The following SERINC5 variants were observed in gnomAD, a reference collection of about 807,000 sequenced individuals.
SERINC5 encodes chromosome 5 open reading frame 12.
A neutral mutation model predicts 63.1 loss-of-function variants in SERINC5; 41 were observed. That is an observed-to-expected ratio of 0.65 (90% CI 0.51 to 0.84). The LOEUF (loss-of-function observed/expected upper bound fraction) is 0.84, where lower values mean the gene tolerates loss of function less well. Ranked by LOEUF, SERINC5 falls within the 40% of genes least tolerant of loss-of-function variation. The pLI is 0.00. For missense variants in SERINC5, 523 were observed against 573.0 expected (o/e 0.91, Z 0.89); for synonymous variants, 222 against 215.2 (o/e 1.03, Z -0.28).
chr5:80,167,250 T>C (rs1320590245), intron 6 of SERINC5: 3 of 152,160 alleles, frequency 2.0e-5, no homozygotes, highest in African/African-American at 7.2e-5. Context: ...CACCCTCTGA[T>C]AGGCCCCAGT....
At chr5:80,239,808 C>A (rs1751870374) in intron 1 of SERINC5, among the ~76,000 whole-genome samples, 1 of 152,114 alleles carries the variant, frequency 6.6e-6, no homozygotes, top group East Asian at 1.9e-4. Context: ...AGTAGAGCTG[C>A]CTTCAAAGAT....
At chr5:80,233,869 C>T (rs1337108056) in intron 1 of SERINC5, among the ~76,000 whole-genome samples, 6 of 133,476 alleles carry the variant, frequency 4.5e-5, no homozygotes, top group East Asian at 4.3e-4. Flanking sequence ...TGGTGTGCAG[C>T]GGCATGATCT....
intron 1 of SERINC5, among the ~76,000 whole-genome samples, chr5:80,254,790 T>C (rs966097310): frequency 6.6e-6 from 1 of 152,192 alleles, no homozygotes; most frequent in South Asian, 2.1e-4. Context: ...CTTTAATGTA[T>C]GCCAAGCACA....
At position 80,216,905 on chromosome 5, in the gene SERINC5, G is replaced by C. The variant is rs193151753; in HGVS notation, c.28-13852C>G. On this transcript the variant is annotated intron_variant, in intron 1 of 11. Transcript: ENST00000507668. ...ACAAGCCTGTAGTCCCGGCTACTTG[G>C]AAGGCTGAGGTAGGAGGATGGATTG... is the stretch of plus-strand genomic sequence containing the variant. Among the ~76,000 whole-genome samples, 206 of 152,138 alleles carry C rather than the reference G, an allele frequency of 1.4e-3. No individual in the cohort carries two copies. In the Middle Eastern group the frequency reaches 0.017, roughly 13 times the overall value.
intron 1 of SERINC5, among the ~76,000 whole-genome samples, chr5:80,203,999 T>C (rs1750023768): frequency 6.6e-6 from 1 of 152,178 alleles, no homozygotes; most frequent in African/African-American, 2.4e-5. Context: ...ATCAATGGGA[T>C]TCAGAGCTTC....
At chr5:80,197,241 CG>C (rs1029438385) in intron 2 of SERINC5, among the ~76,000 whole-genome samples, 5 of 151,386 alleles carry the variant, frequency 3.3e-5, no homozygotes, top group African/African-American at 1.2e-4. Context: ...CCCAGCTACT[CG>C]GGAGGCTGAA....
chr5:80,216,199 A>G (rs920351124), intron 1 of SERINC5, among the ~76,000 whole-genome samples: 2 of 152,178 alleles, frequency 1.3e-5, no homozygotes, highest in African/African-American at 4.8e-5. Context: ...GGGGCCAGAA[A>G]ATTCTTTCTT....
In SERINC5 at chr5:80,219,116, G is replaced by A. The variant is rs114196197; in HGVS notation, c.28-16063C>T. ...CAGGCCTCTGGTTTGGAAAACCACA[G>A]CTGTACCTGGATAGTACCAGTGCTC... On this transcript the variant is annotated intron_variant, in intron 1 of 11. Transcript: ENST00000507668. Among the ~76,000 whole-genome samples the A allele has an allele frequency of 6.6e-3, 1,012 of 152,296 alleles. 11 individuals are homozygous for A. Among genetic ancestry groups the A allele is most frequent in the African/African-American group, 0.021 (890 of 41,566 alleles).
intron 2 of SERINC5, among the ~76,000 whole-genome samples, chr5:80,182,072 C>T (rs763074833): frequency 2.6e-5 from 4 of 152,290 alleles, no homozygotes; most frequent in Non-Finnish European, 4.4e-5. Flanking sequence ...TACTGACTGG[C>T]TGGTGCAGAG....
At chr5:80,248,961 A>G (rs1752277350) in intron 1 of SERINC5, among the ~76,000 whole-genome samples, 1 of 152,248 alleles carries the variant, frequency 6.6e-6, no homozygotes, top group South Asian at 2.1e-4. Context: ...AAACACACCC[A>G]AACCTCTTAA....
intron 1 of SERINC5, among the ~76,000 whole-genome samples, chr5:80,229,549 A>C (rs10041936): frequency 0.53 from 80,411 of 151,508 alleles, 22,594 homozygotes; most frequent in African/African-American, 0.73. Flanking sequence ...ACAACAAAAA[A>C]TTGCTCCTTA....
rs1748147703 is a variant in SERINC5 at position 80,177,985 on chromosome 5, T to C, written c.275A>G (p.Tyr92Cys). Residue 92 changes from tyrosine to cysteine, a missense_variant, in exon 3 of 12, where the codon TAT (tyrosine) becomes TGT (cysteine). Physicochemically the swap from Tyr to Cys is radical, Grantham distance 194 (BLOSUM62 -2). Coordinates refer to ENST00000507668, the MANE Select transcript of SERINC5 (RefSeq NM_001174072.3). Reference sequence around the variant, plus strand: ...ACAAGCCATTCCAAAACAGACTCTATACACGGCAGAATATCCCACCAGCTT... The same window carrying C: ...ACAAGCCATTCCAAAACAGACTCTACACACGGCAGAATATCCCACCAGCTT... ...CEKLVGYSAV[Y>C]RVCFGMACFF... 6.2e-7 allele frequency: 1 copy of C among 1,612,790 alleles called. No homozygotes were observed. The highest frequency in any genetic ancestry group is 1.1e-5 in the South Asian group (1 of 90,770).
chr5:80,135,667 AC>A (rs969470874), downstream of SERINC5, among the ~76,000 whole-genome samples: 4 of 152,106 alleles, frequency 2.6e-5, no homozygotes, highest in African/African-American at 9.7e-5. Context: ...CATGGAAGTC[AC>A]CCATGACTTC....
At chr5:80,200,355 A>C (rs4704632) in intron 2 of SERINC5, among the ~76,000 whole-genome samples, 43,359 of 148,786 alleles carry the variant, frequency 0.29, 6,599 homozygotes, top group African/African-American at 0.31. Context: ...GCGTGGTGGC[A>C]GGCGCCTGTA....
intron 8 of SERINC5, chr5:80,158,100 C>T (rs1168453774): frequency 6.6e-6 from 1 of 152,132 alleles, no homozygotes; most frequent in Non-Finnish European, 1.5e-5. Flanking sequence ...GAAGTAAAGG[C>T]TAAATGTGAA....
chr5:80,205,796 G>A (rs1224449072), intron 1 of SERINC5, among the ~76,000 whole-genome samples: 2 of 151,964 alleles, frequency 1.3e-5, no homozygotes, highest in Non-Finnish European at 2.9e-5. Context: ...GGCCAGGCAC[G>A]GTGGCTCACA....
chr5:80,141,937 A>T lies in SERINC5; in HGVS notation c.*1726T>A, dbSNP rs1745533799. Reference sequence around the variant, plus strand: ...TTCATCCCCTGTAATTTGTTTCCCCATGGGTTTTCTTGGGAGAAGGGCAAA... The same window carrying T: ...TTCATCCCCTGTAATTTGTTTCCCCTTGGGTTTTCTTGGGAGAAGGGCAAA... On this transcript the variant is annotated 3_prime_UTR_variant, in exon 12 of 12. Coordinates refer to ENST00000507668, the MANE Select transcript of SERINC5 (RefSeq NM_001174072.3). 1 of 985,242 alleles carries T rather than the reference A, an allele frequency of 1.0e-6. No homozygotes were observed. Among genetic ancestry groups the T allele is most frequent in the Non-Finnish European group, 1.2e-6 (1 of 829,908 alleles). The allele number at this position is 985,242 out of a possible 1,614,324, so 61.0% of individuals were successfully genotyped here.
rs74335852 is a variant in SERINC5, at chr5:80,225,265, C to G, written c.28-22212G>C. On this transcript the variant is annotated intron_variant, in intron 1 of 11. Transcript: ENST00000507668. ...TTACAGAATTTAATGTTTATCACAG[C>G]CCTATGCTGTTATCATCCACCTCTA... is the stretch of plus-strand genomic sequence containing the variant. 6.9e-3 allele frequency among the ~76,000 whole-genome samples: 1,046 copies of G among 152,300 alleles called. 14 individuals carry two copies. Among genetic ancestry groups the G allele is most frequent in the African/African-American group, 0.023 (964 of 41,558 alleles).
intron 1 of SERINC5, among the ~76,000 whole-genome samples, chr5:80,232,101 TAA>T (rs34890012): frequency 0.21 from 24,851 of 118,802 alleles, 2,305 homozygotes; most frequent in Non-Finnish European, 0.24. Flanking sequence ...GATTCTGTCT[TAA>T]AAAAAAAAAA....
Sources: allele counts gnomAD v4.1 joint callset (sites outside exome capture counted in the v4.1 genomes callset), GRCh38; gene constraint gnomAD v4.1.1; transcripts MANE v1.5; gene names NCBI Gene and HGNC (gene_info 2026-07-23, HGNC 2026-07-21).